GPR158: variants seen among roughly 807,000 people sequenced by gnomAD.
GPR158 encodes the protein metabotropic glycine receptor.
Under a neutral mutation model 78.2 loss-of-function variants are expected in GPR158, and 30 were observed. That is an observed-to-expected ratio of 0.38 (90% CI 0.29 to 0.52). GPR158 has a LOEUF of 0.52. GPR158 is among the 20% of genes least tolerant of loss of function. The pLI, the probability that GPR158 is intolerant of heterozygous loss-of-function variation, is 0.83. For synonymous variants in GPR158, 581 were observed against 591.1 expected (o/e 0.98, Z 0.25); for missense variants, 1,463 against 1,523.5 (o/e 0.96, Z 0.66).
intron 5 of GPR158, among the ~76,000 whole-genome samples, chr10:25,543,350 A>G (rs1215167727): frequency 6.6e-6 from 1 of 152,092 alleles, no homozygotes; most frequent in East Asian, 1.9e-4. Context: ...CAAACCCCTG[A>G]CCTCAAGTGA....
intron 2 of GPR158, among the ~76,000 whole-genome samples, chr10:25,247,314 T>A (rs1344149421): frequency 1.3e-5 from 2 of 151,740 alleles, no homozygotes; most frequent in Non-Finnish European, 2.9e-5. Flanking sequence ...TCTTTTTTTT[T>A]TTCTTTTTTT....
intron 2 of GPR158, among the ~76,000 whole-genome samples, chr10:25,370,282 C>T (rs976625675): frequency 1.3e-5 from 2 of 148,196 alleles, no homozygotes; most frequent in African/African-American, 5.0e-5. Flanking sequence ...ATGGATCTTT[C>T]CTGCTTTCTC....
At chr10:25,269,598 C>T (rs1348028284) in intron 2 of GPR158, among the ~76,000 whole-genome samples, 1 of 152,160 alleles carries the variant, frequency 6.6e-6, no homozygotes, top group Non-Finnish European at 1.5e-5. Flanking sequence ...ACTCATTTTC[C>T]TTAAAGCAAT....
intron 4 of GPR158, among the ~76,000 whole-genome samples, chr10:25,424,870 CT>C (rs1168327978): frequency 6.6e-6 from 1 of 152,162 alleles, no homozygotes; most frequent in Non-Finnish European, 1.5e-5. Context: ...AATGCGGGCT[CT>C]TTTTTGGTTC....
intron 2 of GPR158, among the ~76,000 whole-genome samples, chr10:25,384,541 C>G (rs573238099): frequency 6.6e-6 from 1 of 151,912 alleles, no homozygotes; most frequent in Non-Finnish European, 1.5e-5. Context: ...AATTCCAAAA[C>G]AAAAATTTTA....
At chr10:25,183,741 G>C (rs1852644851) in intron 1 of GPR158, among the ~76,000 whole-genome samples, 1 of 152,188 alleles carries the variant, frequency 6.6e-6, no homozygotes. Context: ...GAATCTTAGA[G>C]TTATGTAAGG....
intron 9 of GPR158, among the ~76,000 whole-genome samples, chr10:25,596,136 G>C (rs1029202068): frequency 1.3e-5 from 2 of 152,036 alleles, no homozygotes; most frequent in African/African-American, 4.8e-5. Flanking sequence ...TATGACAAAT[G>C]ACATTATTTC....
intron 5 of GPR158, among the ~76,000 whole-genome samples, chr10:25,519,513 G>A (rs1287264124): frequency 0.051 from 6,966 of 135,568 alleles, 927 homozygotes; most frequent in African/African-American, 0.21. Context: ...AGCTGGTACC[G>A]GTTGTTCCTT....
intron 5 of GPR158, among the ~76,000 whole-genome samples, chr10:25,512,281 C>CT (rs35237141): frequency 6.6e-6 from 1 of 151,556 alleles, no homozygotes; most frequent in African/African-American, 2.4e-5. Flanking sequence ...AGGTATTTTA[C>CT]TTTTTTGCAG....
intron 2 of GPR158, among the ~76,000 whole-genome samples, chr10:25,369,511 A>T (rs1833956080): frequency 6.8e-6 from 1 of 147,656 alleles, no homozygotes; most frequent in Non-Finnish European, 1.5e-5. Context: ...CATCCCAGGG[A>T]TGAAGCCCAC....
intron 2 of GPR158, among the ~76,000 whole-genome samples, chr10:25,256,725 A>T (rs932649775): frequency 6.6e-6 from 1 of 152,186 alleles, no homozygotes; most frequent in Non-Finnish European, 1.5e-5. Flanking sequence ...AAACAATAGT[A>T]TGCTTTAGTT....
At chr10:25,304,400 A>T (rs1343633324) in intron 2 of GPR158, among the ~76,000 whole-genome samples, 1 of 152,102 alleles carries the variant, frequency 6.6e-6, no homozygotes, top group Non-Finnish European at 1.5e-5. Context: ...CTTTTATAAC[A>T]CAGTGTTTCA....
chr10:25,590,608 T>A (rs1349419657), intron 8 of GPR158, among the ~76,000 whole-genome samples: 1 of 152,152 alleles, frequency 6.6e-6, no homozygotes. Flanking sequence ...TATTCCAAGA[T>A]ATAACAAACA....
intron 6 of GPR158, among the ~76,000 whole-genome samples, chr10:25,551,875 T>G (rs1836730427): frequency 1.3e-5 from 2 of 152,186 alleles, no homozygotes; most frequent in Admixed American, 6.6e-5. Context: ...ACTGATCAGC[T>G]TTAAAGCTGT....
chr10:25,540,839 A>G (rs1836569278), intron 5 of GPR158, among the ~76,000 whole-genome samples: 2 of 151,832 alleles, frequency 1.3e-5, no homozygotes, highest in East Asian at 1.9e-4. Context: ...TATACCTAAT[A>G]TAAATGACGA....
chr10:25,294,254 A>G (rs1297993019), intron 2 of GPR158, among the ~76,000 whole-genome samples: 1 of 152,126 alleles, frequency 6.6e-6, no homozygotes, highest in Non-Finnish European at 1.5e-5. Context: ...TTTTCTTTCA[A>G]ATAAAACATC....
At chr10:25,503,216 A>G (rs1588889699) in intron 5 of GPR158, among the ~76,000 whole-genome samples, 1 of 152,132 alleles carries the variant, frequency 6.6e-6, no homozygotes, top group African/African-American at 2.4e-5. Context: ...AAAAAAAAAA[A>G]AAAAATTATA....
intron 5 of GPR158, among the ~76,000 whole-genome samples, chr10:25,485,471 G>C (rs1200495367): frequency 1.3e-5 from 2 of 152,044 alleles, no homozygotes; most frequent in Non-Finnish European, 2.9e-5. Flanking sequence ...TGGATCTATA[G>C]CTAAAATCAG....
chr10:25,314,860 G>GTCAT (rs1439144096), intron 2 of GPR158, among the ~76,000 whole-genome samples: 1 of 80,922 alleles, frequency 1.2e-5, no homozygotes, highest in African/African-American at 6.8e-5. Flanking sequence ...TACACACACT[G>GTCAT]TCATATATAT....
Sources: gnomAD v4.1 joint callset for allele counts (sites outside exome capture counted in the v4.1 genomes callset) on GRCh38, gnomAD v4.1.1 for gene constraint, MANE v1.5 for transcripts, NCBI Gene and HGNC (gene_info 2026-07-23, HGNC 2026-07-21) for gene names.